The following TPRKB variants were observed in gnomAD, a reference collection of about 807,000 sequenced individuals.
TPRKB encodes the protein EKC/KEOPS complex subunit TPRKB.
Under a neutral mutation model 17.8 loss-of-function variants are expected in TPRKB, and 11 were observed. The observed-to-expected ratio is 0.62, with a 90% CI of 0.39 to 1.02. TPRKB has a LOEUF of 1.02. Among genes scored for constraint, TPRKB ranks in the 50% least tolerant of loss-of-function variants. The probability of loss-of-function intolerance (pLI) is 0.00; values close to 1 mark genes in which losing one functional copy is unlikely to be tolerated. For synonymous variants in TPRKB, 71 were observed against 69.5 expected, an observed-to-expected ratio of 1.02 and a Z score of -0.11; for missense variants, 228 against 198.0, an observed-to-expected ratio of 1.15 and a Z score of -0.91.
Position 73,732,228 on chromosome 2 carries a change from G to T in TPRKB, c.199C>A (p.Leu67Met), listed in dbSNP as rs1447445264. The change falls in exon 3 of 5, where the codon CTG becomes ATG. Residue 67 changes from leucine to methionine, a missense_variant. Transcript: ENST00000272424. ...AANKAVHLYK[L>M]GKMKTRTLST... ...AGAGTTCTTGTCTTCATTTTTCCCA[G>T]TTTGTAGAGGTGAACTGCTTTGTTT... is the stretch of plus-strand genomic sequence containing the variant. 14 of 1,613,916 alleles carry T rather than the reference G, an allele frequency of 8.7e-6. No individual in the cohort carries two copies. Among genetic ancestry groups the T allele is most frequent in the Non-Finnish European group, 1.2e-5 (14 of 1,179,870 alleles).
intron 2 of TPRKB, chr2:73,732,707 C>CAA (rs546442735): frequency 5.0e-5 from 5 of 99,668 alleles, no homozygotes; most frequent in East Asian, 3.0e-4. Flanking sequence ...GAAACTGTCT[C>CAA]AAAAAAAAAA....
chr2:73,732,017 C>A, intron 3 of TPRKB, 146 bp downstream of exon 3: 1 of 904,886 alleles, frequency 1.1e-6, no homozygotes, highest in East Asian at 2.5e-5. Context: ...CAGGGTTAAA[C>A]CTCAACTCTC....
rs1490175401 is a variant in TPRKB, at chr2:73,732,094, C to G, written c.264+69G>C. ...CCACTGGCTTGCAGGAATTTAGCCT[C>G]CAACCCAACACTGAGGAACACATAT... On this transcript the variant is annotated intron_variant, in intron 3 of 4. Coordinates refer to ENST00000272424, the MANE Select transcript of TPRKB (RefSeq NM_016058.5). The G allele has an allele frequency of 2.6e-6, 4 of 1,531,444 alleles. No individual in the cohort carries two copies. In the East Asian group the frequency reaches 9.0e-5, roughly 35 times the overall value. The allele number at this position is 1,531,444 out of a possible 1,614,324, so 94.9% of individuals were successfully genotyped here. A position where few individuals can be genotyped will look rare whatever the true frequency, so the allele number is the denominator to read the frequency against.
intron 3 of TPRKB, among the ~76,000 whole-genome samples, chr2:73,731,560 GGTT>G (rs1330579964): frequency 6.6e-6 from 1 of 152,162 alleles, no homozygotes; most frequent in African/African-American, 2.4e-5. Context: ...ATTAGTACCT[GGTT>G]GTTATTAACA....
At chr2:73,730,493 A>G (rs1671548880) in intron 4 of TPRKB, 67 bp downstream of exon 4, 36 of 1,151,072 alleles carry the variant, frequency 3.1e-5, no homozygotes, top group African/African-American at 1.1e-4. Context: ...CTGGTGATCA[A>G]TAGGCAAACG....
At chr2:73,733,712 C>T (rs1236984518) in intron 2 of TPRKB, among the ~76,000 whole-genome samples, 1 of 151,990 alleles carries the variant, frequency 6.6e-6, no homozygotes, top group Non-Finnish European at 1.5e-5. Context: ...CTGCATCTGA[C>T]TTGGACAAGA....
Position 73,733,194 on chromosome 2 carries a change from G to A in TPRKB, c.142-909C>T, listed in dbSNP as rs916421246. 6.6e-5 allele frequency among the ~76,000 whole-genome samples: 10 copies of A among 150,876 alleles called. No homozygotes were observed. The East Asian group carries it at 7.8e-4, about 12-fold the overall frequency. ...GGTTATGTCTTGTTCAAAGGCCTAA[G>A]TAGTAGGTCTGGGATTAATTCCCGG... On this transcript the variant is annotated intron_variant, in intron 2 of 4. Coordinates refer to ENST00000272424, the MANE Select transcript of TPRKB (RefSeq NM_016058.5).
chr2:73,737,152 GACT>G (rs1219385813), intron 1 of TPRKB, 147 bp downstream of exon 1: 1 of 152,164 alleles, frequency 6.6e-6, no homozygotes, highest in Admixed American at 6.5e-5. Flanking sequence ...GGGACAGCCT[GACT>G]CTATCATTCT....
chr2:73,733,801 T>C (rs945849235), intron 2 of TPRKB, among the ~76,000 whole-genome samples: 3 of 150,986 alleles, frequency 2.0e-5, no homozygotes, highest in Non-Finnish European at 2.9e-5. Context: ...ATGCCCTGTA[T>C]GGCTCATTCA....
intron 4 of TPRKB, 170 bp from the exon 5 acceptor site, chr2:73,730,199 G>C (rs1671533593): frequency 1.3e-6 from 1 of 776,376 alleles, no homozygotes; most frequent in Non-Finnish European, 1.8e-6. Flanking sequence ...TTCATTACTT[G>C]TATCCCCTTT....
intron 3 of TPRKB, 165 bp from the exon 4 acceptor site, chr2:73,730,901 C>G: frequency 2.0e-6 from 1 of 501,298 alleles, no homozygotes; most frequent in Non-Finnish European, 3.4e-6. Flanking sequence ...TTCCAACATC[C>G]ATTGGCACTT....
At chr2:73,730,842 T>C (rs1671575239) in intron 3 of TPRKB, 106 bp from the exon 4 acceptor site, 1 of 793,670 alleles carries the variant, frequency 1.3e-6, no homozygotes, top group Non-Finnish European at 1.9e-6. Flanking sequence ...CTCTTATTTT[T>C]CATGTCCTAA....
chr2:73,736,989 A>C (rs1671914965), intron 1 of TPRKB, among the ~76,000 whole-genome samples: 1 of 151,908 alleles, frequency 6.6e-6, no homozygotes, highest in Non-Finnish European at 1.5e-5. Flanking sequence ...CCCTCCCTTC[A>C]ACTCCATTTG....
At chr2:73,732,024 T>C in intron 3 of TPRKB, 139 bp downstream of exon 3, 2 of 960,520 alleles carry the variant, frequency 2.1e-6, no homozygotes, top group Non-Finnish European at 3.1e-6. Flanking sequence ...AAACCTCAAC[T>C]CTCTGTCCAG....
Position 73,734,584 on chromosome 2 carries a change from G to A in TPRKB, c.-15C>T. 1 of 1,591,448 alleles carries A rather than the reference G, an allele frequency of 6.3e-7. No homozygotes were observed. Among genetic ancestry groups the A allele is most frequent in the Non-Finnish European group, 8.5e-7 (1 of 1,172,252 alleles). On this transcript the variant is annotated 5_prime_UTR_variant, in exon 2 of 5. Coordinates refer to ENST00000272424, the MANE Select transcript of TPRKB (RefSeq NM_016058.5). ...GTTAACTGCATTTCACAGATAAGCAGGATTCTACTGCACACAAAATGAAAA... is the reference window on the plus strand; with the variant it reads ...GTTAACTGCATTTCACAGATAAGCAAGATTCTACTGCACACAAAATGAAAA...
At chr2:73,730,074 CACT>C (rs747953744) in intron 4 of TPRKB, 45 bp from the exon 5 acceptor site, 4 of 1,503,726 alleles carry the variant, frequency 2.7e-6, no homozygotes, top group South Asian at 1.3e-5. Flanking sequence ...TATCGTCATT[CACT>C]ACTAATTGTC....
At position 73,730,616 on chromosome 2, in the gene TPRKB, G is replaced by T; in HGVS notation, c.385C>A (p.His129Asn). Residue 129 changes from histidine (H) to asparagine (N), a missense_variant, in exon 4 of 5, where the codon CAT (histidine) becomes AAT (asparagine). Physicochemically the swap from His to Asn is moderately conservative, Grantham distance 68 (BLOSUM62 1). Transcript: ENST00000272424. ...QEYLISQVEG[H>N]QVSLKNLPEI... ...GGAAGATTTTTCAGAGAAACCTGATGACCTTCTACTTGAGATATTAGGTAT... is the reference window on the plus strand; with the variant it reads ...GGAAGATTTTTCAGAGAAACCTGATTACCTTCTACTTGAGATATTAGGTAT... The T allele has an allele frequency of 1.3e-6, 2 of 1,591,788 alleles. No individual in the cohort carries two copies. The highest frequency in any genetic ancestry group is 1.2e-5 in the South Asian group (1 of 86,066).
In TPRKB at chr2:73,730,014, AAG is replaced by A. The variant is rs754976073; in HGVS notation, c.455_456del (p.Ser152PhefsTer16). On this transcript the variant is annotated frameshift_variant, in exon 5 of 5. Coordinates refer to ENST00000272424, the MANE Select transcript of TPRKB (RefSeq NM_016058.5). LOFTEE classifies it high-confidence loss of function. ...ITEVKKIYKLSSQEESIGTLL... is the reference protein window; with the variant it reads ...ITEVKKIYKLXSQEESIGTLL... ...AATGTCCCAATACTTTCTTCTTGTG[AAG>A]AGAGTTTATATATCTGTAAAAATGA... 1.8e-5 allele frequency: 28 copies of A among 1,571,998 alleles called. No homozygotes were observed. In the East Asian group the frequency reaches 1.8e-4, roughly 10 times the overall value.
At chr2:73,733,478 CA>C (rs1175397958) in intron 2 of TPRKB, among the ~76,000 whole-genome samples, 1 of 151,986 alleles carries the variant, frequency 6.6e-6, no homozygotes, top group East Asian at 1.9e-4. Context: ...AGGCTGGTCT[CA>C]AACTCCGGGC....
Sources: gnomAD v4.1 joint callset for allele counts (sites outside exome capture counted in the v4.1 genomes callset) on GRCh38, gnomAD v4.1.1 for gene constraint, MANE v1.5 for transcripts, NCBI Gene and HGNC (gene_info 2026-07-23, HGNC 2026-07-21) for gene names.